RHEB: variants seen among roughly 807,000 people sequenced by gnomAD.
RHEB encodes the protein GTP-binding protein Rheb.
Under a neutral mutation model 28.8 loss-of-function variants are expected in RHEB, and 2 were observed. That is an observed-to-expected ratio of 0.07 (90% confidence interval 0.03 to 0.22). The LOEUF is 0.22. RHEB is among the 10% of genes least tolerant of loss of function. RHEB has a pLI of 1.00. For synonymous variants in RHEB, 69 were observed against 77.3 expected, an observed-to-expected ratio of 0.89 and a Z score of 0.56; for missense variants, 76 against 219.9, an observed-to-expected ratio of 0.35 and a Z score of 4.14.
intron 1 of RHEB, among the ~76,000 whole-genome samples, chr7:151,511,212 C>G (rs531580699): frequency 6.6e-6 from 1 of 152,332 alleles, no homozygotes; most frequent in South Asian, 2.1e-4. Context: ...TTTGCATCCC[C>G]ATTCACAAAT....
chr7:151,515,068 C>CAAA (rs10711342), intron 1 of RHEB, among the ~76,000 whole-genome samples: 184 of 140,386 alleles, frequency 1.3e-3, no homozygotes, highest in African/African-American at 2.4e-3. Flanking sequence ...AAATAATAGC[C>CAAA]AAAAAAAAAA....
At chr7:151,478,386 A>AG (rs1415762941) in intron 3 of RHEB, among the ~76,000 whole-genome samples, 1 of 148,174 alleles carries the variant, frequency 6.7e-6, no homozygotes, top group African/African-American at 2.6e-5. Context: ...AGTTCTTTAA[A>AG]GAAAAAAAAA....
chr7:151,475,318 C>T (rs1025516037), intron 4 of RHEB, among the ~76,000 whole-genome samples: 1 of 152,312 alleles, frequency 6.6e-6, no homozygotes, highest in Middle Eastern at 3.4e-3. Context: ...CTACCTACTA[C>T]TTTAATGCCT....
At chr7:151,514,284 T>C (rs945790039) in intron 1 of RHEB, among the ~76,000 whole-genome samples, 4 of 152,124 alleles carry the variant, frequency 2.6e-5, no homozygotes, top group African/African-American at 9.7e-5. Flanking sequence ...GAAGAAAATA[T>C]AGTAGTAAAT....
chr7:151,516,622 C>CAAAAAAAA (rs551863062), intron 1 of RHEB, among the ~76,000 whole-genome samples: 3 of 91,980 alleles, frequency 3.3e-5, no homozygotes, highest in Non-Finnish European at 6.2e-5. Flanking sequence ...GACTCTGTCA[C>CAAAAAAAA]AAAAAAAAAA....
chr7:151,518,202 G>A (rs1209394287), intron 1 of RHEB: 1 of 152,248 alleles, frequency 6.6e-6, no homozygotes, highest in Non-Finnish European at 1.5e-5. Flanking sequence ...GCTTCTTTCA[G>A]CCCTTAATTT....
At position 151,490,977 on chromosome 7, in the gene RHEB, T is replaced by C; in HGVS notation, c.90A>G (p.Gln30=). Residue 30 remains glutamine, a synonymous_variant, in exon 2 of 8, where the codon CAA becomes CAG. Coordinates refer to ENST00000262187, the MANE Select transcript of RHEB (RefSeq NM_005614.4). ...TGGTTGGATCGTAGGAGTCCACAAA[T>C]TGGCCTTCAACAAATTGAATCGTCA... ...SSLTIQFVEG[Q]FVDSYDPTIE... is the part of the protein sequence containing the mutation. The C allele has an allele frequency of 5.0e-6, 8 of 1,612,848 alleles. No homozygotes were observed. The highest frequency in any genetic ancestry group is 1.3e-5 in the African/African-American group (1 of 75,012).
chr7:151,503,245 G>A lies in RHEB; in HGVS notation c.53-12231C>T, dbSNP rs1042679064. 1.1e-5 allele frequency: 9 copies of A among 783,662 alleles called. No individual in the cohort carries two copies. The African/African-American group carries it at 1.4e-4, about 12-fold the overall frequency. 48.5% of individuals were successfully genotyped at this position (783,662 alleles called of 1,614,324 possible). On this transcript the variant is annotated intron_variant, in intron 1 of 7. Transcript: ENST00000262187. ...TTTCACAGACAAAGAGACCGGACAG[G>A]AACATGAGCTTATCGAGAGCATGCC...
chr7:151,473,817 A>G (rs1245412554), intron 4 of RHEB, among the ~76,000 whole-genome samples: 1 of 152,238 alleles, frequency 6.6e-6, no homozygotes, highest in Non-Finnish European at 1.5e-5. Context: ...GTATGTGTAG[A>G]CAGAGTTTTG....
At chr7:151,497,179 C>T (rs1157019084) in intron 1 of RHEB, among the ~76,000 whole-genome samples, 1 of 152,050 alleles carries the variant, frequency 6.6e-6, no homozygotes, top group Admixed American at 6.6e-5. Context: ...GGCTGGTGAC[C>T]CTTAGCAAGC....
At chr7:151,506,891 C>G (rs1423384975) in intron 1 of RHEB, among the ~76,000 whole-genome samples, 1 of 152,150 alleles carries the variant, frequency 6.6e-6, no homozygotes, top group African/African-American at 2.4e-5. Context: ...GGGGCATTCT[C>G]CCTTTCTCTG....
At position 151,507,784 on chromosome 7, in the gene RHEB, T is replaced by C. The variant is rs141581878; in HGVS notation, c.52+11676A>G. On this transcript the variant is annotated intron_variant, in intron 1 of 7. Coordinates refer to ENST00000262187, the MANE Select transcript of RHEB (RefSeq NM_005614.4). ...ATAAAAATACCCTTTCAAATACTTA[T>C]AGGTAACCCTATTGCCAATTATTAT... 1.2e-4 allele frequency among the ~76,000 whole-genome samples: 18 copies of C among 152,320 alleles called. No individual in the cohort carries two copies. The South Asian group carries it at 1.2e-3, about 11-fold the overall frequency.
chr7:151,488,529 C>T lies in RHEB; in HGVS notation c.124+2414G>A, dbSNP rs181778130. On this transcript the variant is annotated intron_variant, in intron 2 of 7. Coordinates refer to ENST00000262187, the MANE Select transcript of RHEB (RefSeq NM_005614.4). ...TTTTCTTTCTAATTCATTGTTATCACTGAACAATGTTTTTCTACCAAACAG... is the reference window on the plus strand; with the variant it reads ...TTTTCTTTCTAATTCATTGTTATCATTGAACAATGTTTTTCTACCAAACAG... Among the ~76,000 whole-genome samples, 3 of 152,260 alleles carry T rather than the reference C, an allele frequency of 2.0e-5. No homozygotes were observed. The East Asian group carries it at 5.8e-4, about 29-fold the overall frequency.
intron 1 of RHEB, among the ~76,000 whole-genome samples, chr7:151,496,981 G>A (rs1802685651): frequency 6.6e-6 from 1 of 150,612 alleles, no homozygotes. Context: ...AGTAGAGATG[G>A]GGTTTCACTG....
rs1584846917 is a variant in RHEB, at chr7:151,472,266, A to T, written c.276-661T>A. Among the ~76,000 whole-genome samples, 1 of 151,642 alleles carries T rather than the reference A, an allele frequency of 6.6e-6. No homozygotes were observed. Among genetic ancestry groups the T allele is most frequent in the Non-Finnish European group, 1.5e-5 (1 of 67,922 alleles). ...CCTACCTAGAATCTGACGGCTTCTC[A>T]CTCCCCTCCACTGCTGCCGCTGAGG... On this transcript the variant is annotated intron_variant, in intron 4 of 7. Coordinates refer to ENST00000262187, the MANE Select transcript of RHEB (RefSeq NM_005614.4). The surrounding 1 kb of genome is among the most constrained non-coding windows in gnomAD (Gnocchi z 5.2).
intron 1 of RHEB, among the ~76,000 whole-genome samples, chr7:151,507,567 T>C (rs1360086581): frequency 6.6e-6 from 1 of 152,142 alleles, no homozygotes; most frequent in Admixed American, 6.5e-5. Flanking sequence ...CCGTTAGAGT[T>C]TACGGAACAT....
chr7:151,488,776 T>C (rs1484205151), intron 2 of RHEB, among the ~76,000 whole-genome samples: 4 of 152,202 alleles, frequency 2.6e-5, no homozygotes, highest in African/African-American at 4.8e-5. Context: ...AAATTTAAAA[T>C]ATGACCAAAG....
intron 1 of RHEB, among the ~76,000 whole-genome samples, chr7:151,500,583 T>C (rs1258954349): frequency 1.3e-5 from 2 of 152,194 alleles, no homozygotes; most frequent in African/African-American, 4.8e-5. Context: ...CAGTAGCTCA[T>C]GGCTGTAATC....
chr7:151,467,215 A>G lies in RHEB; in HGVS notation c.463-4T>C. On this transcript the variant is annotated splice_region_variant and splice_polypyrimidine_tract_variant and intron_variant, in intron 7 of 7. Transcript: ENST00000262187. The stretch of plus-strand genomic sequence containing the variant: ...TTCGAAAAACATCCACAGCAGTCTG[A>G]AAAGAGAAAGAAACCCAATCACAGT... 3 of 1,607,038 alleles carry G rather than the reference A, an allele frequency of 1.9e-6. No homozygotes were observed. The highest frequency in any genetic ancestry group is 2.7e-5 in the African/African-American group (2 of 74,874).
Sources: gnomAD v4.1 joint callset for allele counts (sites outside exome capture counted in the v4.1 genomes callset) on GRCh38, gnomAD v4.1.1 for gene constraint, Gnocchi (gnomAD v3.1) non-coding constraint, MANE v1.5 for transcripts, NCBI Gene and HGNC (gene_info 2026-07-23, HGNC 2026-07-21) for gene names.